NRG3: variants seen among roughly 807,000 people sequenced by gnomAD.
NRG3 encodes neuregulin 3.
NRG3 carries 31 observed loss-of-function variants against 66.9 expected under a neutral mutation model. That is an observed-to-expected ratio of 0.46 (90% CI 0.35 to 0.63). The LOEUF (loss-of-function observed/expected upper bound fraction) is 0.63, where lower values mean the gene tolerates loss of function less well. NRG3 is among the 20% of genes least tolerant of loss of function. NRG3 has a pLI of 0.00. For synonymous variants in NRG3, 393 were observed against 359.4 expected (o/e 1.09, Z -1.06); for missense variants, 910 against 878.9 (o/e 1.04, Z -0.45).
At chr10:81,918,423 C>T (rs1264445707) in intron 1 of NRG3, among the ~76,000 whole-genome samples, 2 of 152,188 alleles carry the variant, frequency 1.3e-5, no homozygotes, top group East Asian at 3.8e-4. Context: ...TCTGTGACAA[C>T]ATTTTGGATT....
intron 2 of NRG3, among the ~76,000 whole-genome samples, chr10:82,660,321 A>T (rs2052255378): frequency 6.6e-6 from 1 of 150,506 alleles, no homozygotes; most frequent in Non-Finnish European, 1.5e-5. Context: ...TTTCATTATC[A>T]GTGTTTTCTT....
chr10:82,849,905 G>A (rs539588664), intron 3 of NRG3, among the ~76,000 whole-genome samples: 7 of 152,244 alleles, frequency 4.6e-5, no homozygotes, highest in Admixed American at 4.6e-4. Flanking sequence ...AAAGCAAAGG[G>A]ATAGTGTGAT....
At chr10:82,106,761 C>T (rs931481802) in intron 1 of NRG3, among the ~76,000 whole-genome samples, 2 of 152,098 alleles carry the variant, frequency 1.3e-5, no homozygotes, top group African/African-American at 4.8e-5. Flanking sequence ...CTGCCTCGGC[C>T]TCCAAAAGTA....
At chr10:81,960,566 A>T (rs1164871653) in intron 1 of NRG3, among the ~76,000 whole-genome samples, 1 of 151,966 alleles carries the variant, frequency 6.6e-6, no homozygotes, top group East Asian at 1.9e-4. Context: ...TAGTAGCAGT[A>T]ATGGAACTAG....
In NRG3 at chr10:82,925,908, T is replaced by C. The variant is rs372386884; in HGVS notation, c.1055-25561T>C. ...CTGCCCAGGCTAATGCAACTAGCGATGGCAAGGCAAGCAGGGCAGGCTGCC... is the reference window on the plus strand; with the variant it reads ...CTGCCCAGGCTAATGCAACTAGCGACGGCAAGGCAAGCAGGGCAGGCTGCC... On this transcript the variant is annotated intron_variant, in intron 4 of 8. Transcript: ENST00000372141. 1.2e-3 allele frequency among the ~76,000 whole-genome samples: 178 copies of C among 152,320 alleles called. 3 individuals carry two copies. The highest frequency in any genetic ancestry group is 4.0e-3 in the African/African-American group (167 of 41,592).
intron 1 of NRG3, among the ~76,000 whole-genome samples, chr10:82,051,643 A>C (rs1190991195): frequency 1.3e-5 from 2 of 152,214 alleles, no homozygotes; most frequent in Non-Finnish European, 2.9e-5. Flanking sequence ...GATGTAGTTC[A>C]TTTTAACCAC....
chr10:82,409,564 T>C (rs564117137), intron 2 of NRG3, among the ~76,000 whole-genome samples: 33 of 152,300 alleles, frequency 2.2e-4, no homozygotes, highest in Non-Finnish European at 4.4e-4. Flanking sequence ...CCATTATTTG[T>C]GCTGGATGCT....
intron 1 of NRG3, among the ~76,000 whole-genome samples, chr10:82,196,661 C>G (rs889254200): frequency 2.0e-5 from 3 of 152,188 alleles, no homozygotes; most frequent in African/African-American, 7.2e-5. Context: ...ACCATACTTA[C>G]TTCTCATTCT....
At chr10:82,238,488 AT>A (rs2076857116) in intron 1 of NRG3, among the ~76,000 whole-genome samples, 1 of 152,166 alleles carries the variant, frequency 6.6e-6, no homozygotes, top group Non-Finnish European at 1.5e-5. Context: ...GACTGTAAGG[AT>A]TTGATTGCAA....
chr10:82,185,891 A>G (rs1316097981), intron 1 of NRG3, among the ~76,000 whole-genome samples: 1 of 152,210 alleles, frequency 6.6e-6, no homozygotes, highest in Admixed American at 6.5e-5. Context: ...TTCGTGTAGT[A>G]TATCACCCAC....
intron 2 of NRG3, among the ~76,000 whole-genome samples, chr10:82,514,239 AT>A (rs1723368790): frequency 6.6e-6 from 1 of 152,054 alleles, no homozygotes; most frequent in Non-Finnish European, 1.5e-5. Context: ...TGCTTTTGAC[AT>A]TTCTGTCATG....
chr10:82,043,259 A>G (rs913501385), intron 1 of NRG3, among the ~76,000 whole-genome samples: 1 of 152,082 alleles, frequency 6.6e-6, no homozygotes, highest in Non-Finnish European at 1.5e-5. Context: ...ATAGTACCTG[A>G]GAGGGAAGAA....
At chr10:82,328,083 G>A (rs894896958) in intron 1 of NRG3, among the ~76,000 whole-genome samples, 1 of 152,048 alleles carries the variant, frequency 6.6e-6, no homozygotes, top group Non-Finnish European at 1.5e-5. Flanking sequence ...CAAGGGTTGT[G>A]GGGGGGCACA....
chr10:82,656,988 C>A (rs1470939740), intron 2 of NRG3, among the ~76,000 whole-genome samples: 1 of 152,066 alleles, frequency 6.6e-6, no homozygotes, highest in Admixed American at 6.6e-5. Context: ...CTCATTCCAA[C>A]ATGCCAGGCA....
intron 1 of NRG3, among the ~76,000 whole-genome samples, chr10:82,166,986 C>CTA (rs1192621084): frequency 6.6e-6 from 1 of 151,630 alleles, no homozygotes; most frequent in Non-Finnish European, 1.5e-5. Context: ...ATCTTTGTTC[C>CTA]TATGTATGTA....
At chr10:82,372,015 A>C (rs2084926153) in intron 2 of NRG3, among the ~76,000 whole-genome samples, 1 of 152,220 alleles carries the variant, frequency 6.6e-6, no homozygotes. Flanking sequence ...CAAACAAACC[A>C]TATCCAAATC....
At chr10:82,040,400 A>T (rs1371925986) in intron 1 of NRG3, among the ~76,000 whole-genome samples, 1 of 94,648 alleles carries the variant, frequency 1.1e-5, no homozygotes, top group Non-Finnish European at 2.6e-5. Flanking sequence ...TATGTTATAT[A>T]TACAATATAT....
chr10:82,354,597 G>C (rs949472485), intron 1 of NRG3, among the ~76,000 whole-genome samples: 6 of 151,956 alleles, frequency 3.9e-5, no homozygotes, highest in Non-Finnish European at 5.9e-5. Flanking sequence ...TCACCATGTT[G>C]GCCAGGCTGG....
intron 2 of NRG3, among the ~76,000 whole-genome samples, chr10:82,633,408 C>T (rs548283424): frequency 2.0e-5 from 3 of 152,186 alleles, no homozygotes; most frequent in South Asian, 2.1e-4. Flanking sequence ...TCAAGTTGTA[C>T]GACACAGTCA....
Sources: gnomAD v4.1 joint callset for allele counts (sites outside exome capture counted in the v4.1 genomes callset) on GRCh38, gnomAD v4.1.1 for gene constraint, MANE v1.5 for transcripts, NCBI Gene and HGNC (gene_info 2026-07-23, HGNC 2026-07-21) for gene names.